Variants in TNIP1 observed in about 807,000 individuals in gnomAD.
TNIP1 encodes the protein TNFAIP3 interacting protein 1, also known as TNFAIP3-interacting protein 1.
In TNIP1, 22 loss-of-function variants were observed where a neutral mutation model predicts 86.6. That is an observed-to-expected ratio of 0.25 (90% CI 0.18 to 0.36). The LOEUF is 0.36. Ranked by LOEUF, TNIP1 falls within the 10% of genes least tolerant of loss-of-function variation. The pLI is 1.00. For missense variants in TNIP1, 709 were observed against 820.6 expected (o/e 0.86, Z 1.66); for synonymous variants, 294 against 313.0 (o/e 0.94, Z 0.64).
At chr5:151,049,547 C>T (rs892885899) in intron 8 of TNIP1, among the ~76,000 whole-genome samples, 2 of 152,164 alleles carry the variant, frequency 1.3e-5, no homozygotes, top group Non-Finnish European at 2.9e-5. Context: ...ACTGAGCAAA[C>T]GACTCAACAC....
chr5:151,082,509 TC>T (rs1376701271), upstream of TNIP1, among the ~76,000 whole-genome samples: 1 of 152,140 alleles, frequency 6.6e-6, no homozygotes, highest in Admixed American at 6.5e-5. Flanking sequence ...TGCCTGTACT[TC>T]CCAATTCTCT....
At chr5:151,063,774 A>G in intron 2 of TNIP1, 27 bp from the exon 3 acceptor site, 2 of 1,608,132 alleles carry the variant, frequency 1.2e-6, no homozygotes, top group Non-Finnish European at 1.7e-6. Flanking sequence ...AGAGGAAGCA[A>G]AAGCATTTAC....
rs189139104 is a variant in TNIP1 at position 151,057,014 on chromosome 5, C to T, written c.436-57G>A. On this transcript the variant is annotated intron_variant, in intron 5 of 17. Transcript: ENST00000521591. ...TCACCAAGGCCTGAGTAGGCGCCGCCAGTCCATTCTCCCTCTGCTTCCTCA... is the reference window on the plus strand; with the variant it reads ...TCACCAAGGCCTGAGTAGGCGCCGCTAGTCCATTCTCCCTCTGCTTCCTCA... 10,124 of 1,343,542 alleles carry T rather than the reference C, an allele frequency of 7.5e-3. 43 individuals are homozygous for T. Among genetic ancestry groups the T allele is most frequent in the Non-Finnish European group, 8.3e-3 (8,650 of 1,040,314 alleles). 83.2% of individuals were successfully genotyped at this position (1,343,542 alleles called of 1,614,324 possible). A position where few individuals can be genotyped will look rare whatever the true frequency, so the allele number is the denominator to read the frequency against.
In TNIP1 at chr5:151,039,135, G is replaced by A. The variant is rs537740969; in HGVS notation, c.1225C>T (p.Arg409Cys). ...QDQLSPLTRQ[R>C]EYQEKEIQRL... is the part of the protein sequence containing the mutation. The stretch of plus-strand genomic sequence containing the variant: ...TGGATCTCCTTTTCCTGGTACTCAC[G>A]CTGTCGGGTGAGTGGGCTCAGCTGA... The change falls in exon 12 of 18, where the codon CGT becomes TGT. Residue 409 changes from arginine (R) to cysteine (C), a missense_variant. Physicochemically the swap from Arg to Cys is radical, Grantham distance 180 (BLOSUM62 -3). Coordinates refer to ENST00000521591, the MANE Select transcript of TNIP1 (RefSeq NM_006058.5). 1.9e-5 allele frequency: 30 copies of A among 1,613,986 alleles called. No individual in the cohort carries two copies. Among genetic ancestry groups the A allele is most frequent in the South Asian group, 9.9e-5 (9 of 91,080 alleles).
In TNIP1 at chr5:151,053,917, G is replaced by T. The variant is rs1042090292; in HGVS notation, c.628-1658C>A. On this transcript the variant is annotated intron_variant, in intron 6 of 17. Coordinates refer to ENST00000521591, the MANE Select transcript of TNIP1 (RefSeq NM_006058.5). ...GTGATGAAAGATCAGAGAAGGGAGA[G>T]AGATGGTGCCCAAAGGAGGGGACAG... 1.7e-4 allele frequency among the ~76,000 whole-genome samples: 26 copies of T among 152,352 alleles called. 1 individual carries two copies. The East Asian group carries it at 4.2e-3, about 25-fold the overall frequency.
chr5:151,044,649 G>T (rs999889949), intron 9 of TNIP1, among the ~76,000 whole-genome samples: 27 of 152,174 alleles, frequency 1.8e-4, no homozygotes, highest in African/African-American at 5.3e-4. Flanking sequence ...GCAGGCTCAG[G>T]GTTCTAGAGA....
At chr5:151,055,506 C>T (rs1156367331) in intron 6 of TNIP1, among the ~76,000 whole-genome samples, 2 of 152,206 alleles carry the variant, frequency 1.3e-5, no homozygotes, top group African/African-American at 4.8e-5. Flanking sequence ...GCCTCACTGA[C>T]ATCTTAAAGG....
At chr5:151,031,884 C>CG (rs1756948101) in intron 17 of TNIP1, among the ~76,000 whole-genome samples, 1 of 152,216 alleles carries the variant, frequency 6.6e-6, no homozygotes, top group African/African-American at 2.4e-5. Flanking sequence ...GCTGCCCCCC[C>CG]GGTCTAGGTC....
intron 1 of TNIP1, among the ~76,000 whole-genome samples, chr5:151,077,223 C>G (rs559640001): frequency 1.4e-4 from 22 of 152,306 alleles, no homozygotes; most frequent in Non-Finnish European, 2.4e-4. Context: ...TCCCGTCCCC[C>G]TACCCCGTGA....
intron 1 of TNIP1, among the ~76,000 whole-genome samples, chr5:151,070,896 C>CACCAAGAGGGA (rs1161815286): frequency 6.6e-6 from 1 of 151,918 alleles, no homozygotes; most frequent in East Asian, 1.9e-4. Context: ...ATAGAACATA[C>CACCAAGAGGGA]ACCACCAAGA....
intron 11 of TNIP1, 62 bp from the exon 12 acceptor site, chr5:151,039,287 T>C (rs183258076): frequency 9.7e-6 from 15 of 1,553,994 alleles, no homozygotes; most frequent in Non-Finnish European, 1.2e-5. Context: ...CCTCGGATTC[T>C]CTGTCCTGCC....
chr5:151,048,717 G>A (rs1049535436), intron 8 of TNIP1, among the ~76,000 whole-genome samples: 2 of 152,198 alleles, frequency 1.3e-5, no homozygotes, highest in East Asian at 1.9e-4. Flanking sequence ...GAACCCAAGG[G>A]AGAACAGCCG....
intron 13 of TNIP1, 52 bp from the exon 14 acceptor site, chr5:151,035,759 T>C: frequency 6.2e-7 from 1 of 1,606,098 alleles, no homozygotes; most frequent in East Asian, 2.2e-5. Context: ...TGAGTGGGGA[T>C]TTCTCCTCAG....
In TNIP1 at chr5:151,077,723, C is replaced by A. The variant is rs12514222; in HGVS notation, c.-37+3157G>T. The stretch of plus-strand genomic sequence containing the variant: ...TGCTCTGGAGTTGCAGCCCAGCAAT[C>A]TGTGTTTAACAACCACCCTCTACCT... On this transcript the variant is annotated intron_variant, in intron 1 of 17. Transcript: ENST00000521591. Among the ~76,000 whole-genome samples the A allele has an allele frequency of 2.0e-3, 306 of 152,358 alleles. 6 individuals are homozygous for A. Among genetic ancestry groups the A allele is most frequent in the Admixed American group, 0.018 (283 of 15,310 alleles).
In TNIP1 at chr5:151,030,729, C is replaced by G; in HGVS notation, c.1895G>C (p.Arg632Pro). ...PTEPESPKNDREGPQ is the reference protein window; with the variant it reads ...PTEPESPKNDPEGPQ ...AATCTGGTCTCACTGAGGCCCCTCA[C>G]GGTCATTTTTTGGAGACTCTAAATA... The change falls in exon 18 of 18, where the codon CGT (arginine) becomes CCT (proline). Residue 632 changes from arginine (R) to proline (P), a missense_variant. Coordinates refer to ENST00000521591, the MANE Select transcript of TNIP1 (RefSeq NM_006058.5). 1 of 1,611,748 alleles carries G rather than the reference C, an allele frequency of 6.2e-7. No homozygotes were observed. The highest frequency in any genetic ancestry group is 8.5e-7 in the Non-Finnish European group (1 of 1,179,280).
intron 7 of TNIP1, among the ~76,000 whole-genome samples, chr5:151,051,421 C>T (rs990790547): frequency 1.3e-5 from 2 of 152,180 alleles, no homozygotes; most frequent in Non-Finnish European, 2.9e-5. Flanking sequence ...ACAGTGCAGG[C>T]AGGAATTGTG....
intron 6 of TNIP1, 133 bp downstream of exon 6, chr5:151,056,633 G>C (rs1232760004): frequency 2.4e-6 from 2 of 837,280 alleles, no homozygotes; most frequent in Admixed American, 8.3e-5. Context: ...TGAACAAAAA[G>C]CCCGAAGTCT....
At chr5:151,083,116 C>T (rs1764143832), upstream of TNIP1, among the ~76,000 whole-genome samples, 1 of 152,222 alleles carries the variant, frequency 6.6e-6, no homozygotes, top group South Asian at 2.1e-4. Context: ...GCAGAAAACA[C>T]CACTGTCATA....
intron 1 of TNIP1, among the ~76,000 whole-genome samples, chr5:151,075,506 G>C (rs1204290496): frequency 6.6e-6 from 1 of 152,118 alleles, no homozygotes; most frequent in Non-Finnish European, 1.5e-5. Flanking sequence ...CCCCACTCTA[G>C]CAGTCCCCAG....
Sources: gnomAD v4.1 joint callset for allele counts (sites outside exome capture counted in the v4.1 genomes callset) on GRCh38, gnomAD v4.1.1 for gene constraint, MANE v1.5 for transcripts, NCBI Gene and HGNC (gene_info 2026-07-23, HGNC 2026-07-21) for gene names.